The following UMAD1 variants were observed in gnomAD, a reference collection of about 807,000 sequenced individuals.
UMAD1 encodes the protein UBAP1-MVB12-associated (UMA)-domain containing protein 1.
A neutral mutation model predicts 6.1 loss-of-function variants in UMAD1; 8 were observed. That is an observed-to-expected ratio of 1.30 (90% CI 0.76 to 2.35). The LOEUF is 2.35. Ranked by LOEUF, UMAD1 falls within the 30% of genes most tolerant of loss-of-function variation. UMAD1 has a pLI of 0.00. For synonymous variants in UMAD1, 56 were observed against 31.4 expected, an observed-to-expected ratio of 1.78 and a Z score of -2.61; for missense variants, 130 against 78.4, an observed-to-expected ratio of 1.66 and a Z score of -2.49.
chr7:7,653,689 A>G (rs1326507514), intron 1 of UMAD1, among the ~76,000 whole-genome samples: 1 of 152,242 alleles, frequency 6.6e-6, no homozygotes, highest in Non-Finnish European at 1.5e-5. Context: ...ACCTAGGGGA[A>G]TGTCTTTACC....
intron 2 of UMAD1, among the ~76,000 whole-genome samples, chr7:7,724,110 T>C (rs1371210833): frequency 6.6e-6 from 1 of 152,108 alleles, no homozygotes; most frequent in Non-Finnish European, 1.5e-5. Flanking sequence ...GCTGTTAATC[T>C]TTCTCCCATC....
intron 2 of UMAD1, among the ~76,000 whole-genome samples, chr7:7,753,256 A>T (rs1167876798): frequency 6.6e-6 from 1 of 152,178 alleles, no homozygotes; most frequent in Non-Finnish European, 1.5e-5. Flanking sequence ...CCTCTCAAGC[A>T]TTTATCCTTT....
chr7:7,784,822 C>A (rs1162947088), intron 2 of UMAD1, among the ~76,000 whole-genome samples: 1 of 129,106 alleles, frequency 7.7e-6, no homozygotes, highest in Non-Finnish European at 1.6e-5. Context: ...AGTGCAGTGG[C>A]GCGATCTCGG....
chr7:7,722,520 T>C (rs1192703110), intron 2 of UMAD1, among the ~76,000 whole-genome samples: 2 of 152,134 alleles, frequency 1.3e-5, no homozygotes, highest in African/African-American at 2.4e-5. Flanking sequence ...TACCTTAGGC[T>C]GTATGTGGAG....
At chr7:7,676,893 C>A (rs1779754760) in intron 2 of UMAD1, among the ~76,000 whole-genome samples, 1 of 151,976 alleles carries the variant, frequency 6.6e-6, no homozygotes, top group East Asian at 1.9e-4. Flanking sequence ...CAGGTAAACT[C>A]TTTTTTAAAA....
At chr7:7,821,616 A>G (rs1783242666) in intron 3 of UMAD1, among the ~76,000 whole-genome samples, 1 of 152,164 alleles carries the variant, frequency 6.6e-6, no homozygotes, top group African/African-American at 2.4e-5. Context: ...GAGAAGCCCA[A>G]TTATTCTTTG....
intron 3 of UMAD1, among the ~76,000 whole-genome samples, chr7:7,851,276 G>A (rs1446894539): frequency 6.6e-6 from 1 of 151,998 alleles, no homozygotes; most frequent in African/African-American, 2.4e-5. Flanking sequence ...CCATTGCGTG[G>A]CTATACCACA....
Position 7,794,738 on chromosome 7 carries a change from C to T in UMAD1, c.83-6932C>T, listed in dbSNP as rs188722093. ...CCCTAGAATATATTTCCTTGACATA[C>T]GTTGAAATGGCCCTGCAAAGCTGTC... On this transcript the variant is annotated intron_variant, in intron 2 of 3. Transcript: ENST00000682710. 5.9e-5 allele frequency among the ~76,000 whole-genome samples: 9 copies of T among 152,102 alleles called. No individual in the cohort carries two copies. The South Asian group carries it at 8.3e-4, about 14-fold the overall frequency.
intron 2 of UMAD1, among the ~76,000 whole-genome samples, chr7:7,801,317 C>A (rs1782794481): frequency 6.6e-6 from 1 of 152,200 alleles, no homozygotes; most frequent in African/African-American, 2.4e-5. Context: ...TTATCCATAT[C>A]ATAAAAGAGT....
At chr7:7,759,069 T>A (rs959540003) in intron 2 of UMAD1, among the ~76,000 whole-genome samples, 1 of 152,236 alleles carries the variant, frequency 6.6e-6, no homozygotes, top group Non-Finnish European at 1.5e-5. Context: ...TTATTTAAAC[T>A]GGATAGCTTG....
At chr7:7,834,199 T>A (rs1783519879) in intron 3 of UMAD1, among the ~76,000 whole-genome samples, 1 of 151,846 alleles carries the variant, frequency 6.6e-6, no homozygotes, top group Non-Finnish European at 1.5e-5. Flanking sequence ...ATTTTGTATT[T>A]TTTATTAGAG....
chr7:7,877,680 T>G lies in UMAD1; in HGVS notation c.*142T>G. ...AAGAAAATAGCATTATGTTCACTAC[T>G]CTATTTTTAAGAAAAAGGTACATTT... is the stretch of plus-strand genomic sequence containing the variant. On this transcript the variant is annotated 3_prime_UTR_variant, in exon 4 of 4. Coordinates refer to ENST00000682710, the MANE Select transcript of UMAD1 (RefSeq NM_001302348.2). 3.4e-6 allele frequency: 2 copies of G among 594,334 alleles called. No homozygotes were observed. Among genetic ancestry groups the G allele is most frequent in the Non-Finnish European group, 6.0e-6 (2 of 332,610 alleles). The allele number at this position is 594,334 out of a possible 1,614,324, so 36.8% of individuals were successfully genotyped here. A position where few individuals can be genotyped will look rare whatever the true frequency, so the allele number is the denominator to read the frequency against.
chr7:7,855,166 C>T (rs1054890179), intron 3 of UMAD1, among the ~76,000 whole-genome samples: 3 of 152,224 alleles, frequency 2.0e-5, no homozygotes, highest in Admixed American at 6.5e-5. Flanking sequence ...GCAGCTTTTC[C>T]AGGTGCATGG....
At chr7:7,702,146 A>T (rs1780478286) in intron 2 of UMAD1, among the ~76,000 whole-genome samples, 2 of 152,224 alleles carry the variant, frequency 1.3e-5, no homozygotes, top group South Asian at 4.1e-4. Flanking sequence ...TGTGATTGCA[A>T]GGAGGATTTT....
chr7:7,691,162 T>A (rs2115136720), intron 2 of UMAD1, among the ~76,000 whole-genome samples: 1 of 152,300 alleles, frequency 6.6e-6, no homozygotes, highest in South Asian at 2.1e-4. Context: ...GCTGATGGAA[T>A]TTTAGGTTTT....
intron 1 of UMAD1, among the ~76,000 whole-genome samples, chr7:7,670,860 T>G (rs1044799092): frequency 4.5e-4 from 68 of 152,298 alleles, no homozygotes; most frequent in Middle Eastern, 3.4e-3. Context: ...CACAGTAGAA[T>G]TTTGGGGGAC....
intron 2 of UMAD1, among the ~76,000 whole-genome samples, chr7:7,722,666 C>G (rs1454543210): frequency 6.6e-6 from 1 of 152,140 alleles, no homozygotes; most frequent in Non-Finnish European, 1.5e-5. Context: ...CTAAGACTGC[C>G]CTCAGTGAGA....
At chr7:7,653,855 T>C (rs950360741) in intron 1 of UMAD1, among the ~76,000 whole-genome samples, 4 of 152,152 alleles carry the variant, frequency 2.6e-5, no homozygotes, top group Admixed American at 6.5e-5. Context: ...AGGCACTTAG[T>C]GGGTTAAAGC....
chr7:7,684,480 A>T (rs1158960540), intron 2 of UMAD1, among the ~76,000 whole-genome samples: 4 of 151,864 alleles, frequency 2.6e-5, no homozygotes, highest in Admixed American at 2.6e-4. Context: ...AAGTGTTGGG[A>T]TTACTGGCCT....
Sources: gnomAD v4.1 joint callset for allele counts (sites outside exome capture counted in the v4.1 genomes callset) on GRCh38, gnomAD v4.1.1 for gene constraint, MANE v1.5 for transcripts, NCBI Gene and HGNC (gene_info 2026-07-23, HGNC 2026-07-21) for gene names.